Variants in NBPF20 observed in about 807,000 individuals in gnomAD.
The protein encoded by NBPF20 is NBPF member 20.
NBPF20 carries 90 observed loss-of-function variants against 68.1 expected under a neutral mutation model. That is an observed-to-expected ratio of 1.32 (90% CI 1.11 to 1.58). NBPF20 has a LOEUF of 1.58. Among genes scored for constraint, NBPF20 ranks in the 40% most tolerant of loss-of-function variants. NBPF20 has a pLI of 0.00. For synonymous variants in NBPF20, 290 were observed against 228.1 expected (o/e 1.27, Z -2.45); for missense variants, 816 against 601.2 (o/e 1.36, Z -3.74).
intron 2 of NBPF20, among the ~76,000 whole-genome samples, chr1:145,404,795 T>C (rs1323479067): frequency 6.6e-6 from 1 of 151,450 alleles, no homozygotes; most frequent in Non-Finnish European, 1.5e-5. Context: ...TCTTATATGG[T>C]ACAGAGAGGA....
chr1:145,396,287 G>A (rs1281340354), intron 7 of NBPF20, among the ~76,000 whole-genome samples: 4 of 152,022 alleles, frequency 2.6e-5, no homozygotes, highest in South Asian at 2.1e-4. Flanking sequence ...AATGAAGCGA[G>A]AAGAGAAGTT....
At chr1:145,291,761 C>T (rs370593001) in exon 138 of NBPF20, 3 of 1,611,706 alleles carry the variant, frequency 1.9e-6, no homozygotes, top group Non-Finnish European at 2.5e-6. Context: ...CATCAGCACG[C>T]CGTTGAGCCT....
intron 7 of NBPF20, among the ~76,000 whole-genome samples, chr1:145,397,103 AT>A (rs1390509713): frequency 4.9e-5 from 7 of 141,858 alleles, no homozygotes; most frequent in East Asian, 2.0e-4. Context: ...TGAACTCATC[AT>A]TTTTTATAGC....
intron 9 of NBPF20, 117 bp downstream of exon 14, chr1:145,393,767 T>G: frequency 6.7e-7 from 1 of 1,494,042 alleles, no homozygotes; most frequent in Non-Finnish European, 9.2e-7. Flanking sequence ...GTAGTAGGCA[T>G]AATTCAGACT....
the NBPF20 span, among the ~76,000 whole-genome samples, chr1:145,419,316 T>C: frequency 1.3e-5 from 2 of 152,250 alleles, no homozygotes; most frequent in African/African-American, 2.4e-5. Context: ...ACCAGTATTT[T>C]CCATTAACAG....
chr1:145,292,660 G>A (rs1254637930), intron 136 of NBPF20, among the ~76,000 whole-genome samples, 171 bp from the exon 142 acceptor site: 2 of 147,596 alleles, frequency 1.4e-5, no homozygotes, highest in East Asian at 1.9e-4. Context: ...AACTTCCTCG[G>A]TTTTTCTCCC....
chr1:145,404,827 C>A (rs1467136514), intron 2 of NBPF20, among the ~76,000 whole-genome samples: 7 of 150,788 alleles, frequency 4.6e-5, no homozygotes, highest in African/African-American at 1.0e-4. Flanking sequence ...ATGATTGAGC[C>A]TCTTGGAGAA....
intron 137 of NBPF20, 104 bp downstream of exon 142, chr1:145,292,277 C>G: frequency 1.6e-6 from 1 of 608,872 alleles, no homozygotes; most frequent in South Asian, 2.0e-5. Context: ...AGGAGTAATT[C>G]AGCCTTCGTT....
At chr1:145,410,332 T>A (rs782524585), upstream of NBPF20, among the ~76,000 whole-genome samples, 8 of 151,184 alleles carry the variant, frequency 5.3e-5, 1 homozygote, top group South Asian at 1.7e-3. Context: ...TTTTTTTTTT[T>A]GAGACGGAGT....
upstream of NBPF20, among the ~76,000 whole-genome samples, chr1:145,410,244 G>A (rs1662955628): frequency 1.3e-5 from 2 of 151,162 alleles, no homozygotes; most frequent in South Asian, 4.2e-4. Context: ...TCTCATTGTT[G>A]CACTGATTGA....
intron 113 of NBPF20, among the ~76,000 whole-genome samples, chr1:145,311,142 C>T (rs1490418063): frequency 1.1e-4 from 4 of 36,396 alleles, no homozygotes; most frequent in South Asian, 1.3e-3. Context: ...GGACACACAG[C>T]GAACAGTGAT....
chr1:145,393,471 A>T (rs1262759349), intron 9 of NBPF20, among the ~76,000 whole-genome samples: 1 of 151,658 alleles, frequency 6.6e-6, no homozygotes, highest in Admixed American at 6.6e-5. Context: ...ACACACACAC[A>T]CACACACACA....
chr1:145,394,990 C>G, exon 8 of NBPF20: 1 of 1,611,986 alleles, frequency 6.2e-7, no homozygotes, highest in South Asian at 1.1e-5. Flanking sequence ...CCTATGTCAA[C>G]AGCCATGCAG....
chr1:145,395,652 T>A (rs1662196209), intron 7 of NBPF20, among the ~76,000 whole-genome samples: 1 of 149,542 alleles, frequency 6.7e-6, no homozygotes, highest in African/African-American at 2.6e-5. Flanking sequence ...TGTATACACC[T>A]CTCCCTGGAT....
At chr1:145,291,201 A>G in exon 138 of NBPF20, 3 of 486,138 alleles carry the variant, frequency 6.2e-6, no homozygotes, top group South Asian at 2.2e-5. Flanking sequence ...GAGCAGGTAT[A>G]GAAGCTCAGA....
the NBPF20 span, among the ~76,000 whole-genome samples, chr1:145,415,383 C>T: frequency 3.3e-5 from 5 of 151,518 alleles, no homozygotes; most frequent in Non-Finnish European, 5.9e-5. Context: ...TGCAAAGAGG[C>T]CTTCCTTCCT....
intron 6 of NBPF20, 49 bp downstream of exon 11, chr1:145,400,340 C>G: frequency 6.2e-7 from 1 of 1,610,122 alleles, no homozygotes; most frequent in Non-Finnish European, 8.5e-7. Flanking sequence ...CAGAGTTTAT[C>G]TTCCTCAGCC....
intron 8 of NBPF20, among the ~76,000 whole-genome samples, chr1:145,394,528 A>T (rs1336972918): frequency 6.6e-6 from 1 of 152,136 alleles, no homozygotes; most frequent in East Asian, 1.9e-4. Flanking sequence ...AACCTGGGTC[A>T]CATCTTTCAC....
At chr1:145,393,374 G>T (rs878909634) in intron 9 of NBPF20, 128 bp from the exon 15 acceptor site, 1 of 703,440 alleles carries the variant, frequency 1.4e-6, no homozygotes, top group Non-Finnish European at 2.6e-6. Context: ...AATGAGGTAA[G>T]AAATTATTGC....
Sources: gnomAD v4.1 joint callset for allele counts (sites outside exome capture counted in the v4.1 genomes callset) on GRCh38, gnomAD v4.1.1 for gene constraint, MANE v1.5 for transcripts, NCBI Gene and HGNC (gene_info 2026-07-23, HGNC 2026-07-21) for gene names.